LRMDA: variants seen among roughly 807,000 people sequenced by gnomAD.
The protein encoded by LRMDA is leucine rich melanocyte differentiation associated.
Under a neutral mutation model 29.8 loss-of-function variants are expected in LRMDA, and 18 were observed. That is an observed-to-expected ratio of 0.60 (90% CI 0.42 to 0.90). LRMDA has a LOEUF of 0.90. LRMDA is among the 40% of genes least tolerant of loss of function. The pLI, the probability that LRMDA is intolerant of heterozygous loss-of-function variation, is 0.00. For missense variants in LRMDA, 273 were observed against 273.9 expected, an observed-to-expected ratio of 1.00 and a Z score of 0.02; for synonymous variants, 125 against 109.4, an observed-to-expected ratio of 1.14 and a Z score of -0.89.
At chr10:75,783,474 C>A (rs997279104) in intron 2 of LRMDA, among the ~76,000 whole-genome samples, 3 of 141,130 alleles carry the variant, frequency 2.1e-5, no homozygotes, top group Non-Finnish European at 4.5e-5. Flanking sequence ...TAAAGACTTA[C>A]TGCTCAGAGG....
At chr10:76,081,962 A>ATT (rs1849056538) in intron 5 of LRMDA, among the ~76,000 whole-genome samples, 1 of 152,192 alleles carries the variant, frequency 6.6e-6, no homozygotes, top group Non-Finnish European at 1.5e-5. Flanking sequence ...GGTGCCATAG[A>ATT]ACCAAGTAGC....
chr10:75,941,697 G>A (rs1384888250), intron 2 of LRMDA, among the ~76,000 whole-genome samples: 2 of 152,132 alleles, frequency 1.3e-5, no homozygotes, highest in African/African-American at 4.8e-5. Context: ...TGATCTGGTA[G>A]CTTCAGGAAG....
chr10:76,219,451 G>A (rs1851789019), intron 5 of LRMDA, among the ~76,000 whole-genome samples: 1 of 152,090 alleles, frequency 6.6e-6, no homozygotes, highest in Admixed American at 6.5e-5. Context: ...CAAAAAAAAG[G>A]CAGGGGTTGC....
chr10:76,346,940 T>C (rs938397651), intron 6 of LRMDA, among the ~76,000 whole-genome samples: 3 of 152,188 alleles, frequency 2.0e-5, no homozygotes, highest in African/African-American at 7.2e-5. Context: ...TCTTGATGAT[T>C]AGGAGAGCAC....
rs574123493 is a variant in LRMDA at position 75,446,382 on chromosome 10, A to G, written c.131+7888A>G. 2.0e-5 allele frequency among the ~76,000 whole-genome samples: 3 copies of G among 152,364 alleles called. 1 individual carries two copies. In the East Asian group the frequency reaches 5.8e-4, roughly 29 times the overall value. ...CTTAGAAGATGGTGCTAGTGAGGCTAAGAGCCTGGGCTTGACCCTCCATGA... is the reference window on the plus strand; with the variant it reads ...CTTAGAAGATGGTGCTAGTGAGGCTGAGAGCCTGGGCTTGACCCTCCATGA... On this transcript the variant is annotated intron_variant, in intron 2 of 6. Coordinates refer to ENST00000611255, the MANE Select transcript of LRMDA (RefSeq NM_001305581.2).
intron 5 of LRMDA, among the ~76,000 whole-genome samples, chr10:76,167,885 A>G (rs879493725): frequency 2.6e-5 from 4 of 152,112 alleles, no homozygotes; most frequent in Admixed American, 6.5e-5. Flanking sequence ...CCCATCCATG[A>G]GCATGGAATG....
At chr10:76,505,479 A>AT (rs1467907078) in intron 6 of LRMDA, among the ~76,000 whole-genome samples, 5 of 152,026 alleles carry the variant, frequency 3.3e-5, no homozygotes, top group African/African-American at 1.2e-4. Flanking sequence ...TTTTTAAAAA[A>AT]TTTTTATCTG....
At chr10:75,613,178 CT>C (rs1417455823) in intron 2 of LRMDA, among the ~76,000 whole-genome samples, 3 of 151,770 alleles carry the variant, frequency 2.0e-5, no homozygotes, top group Non-Finnish European at 4.4e-5. Context: ...CACTATCTGG[CT>C]TTCTTCCTCT....
Position 75,672,163 on chromosome 10 carries a change from A to G in LRMDA, c.131+233669A>G, listed in dbSNP as rs538763509. On this transcript the variant is annotated intron_variant, in intron 2 of 6. Coordinates refer to ENST00000611255, the MANE Select transcript of LRMDA (RefSeq NM_001305581.2). ...AATAAATTCCAAATGAGTGGGTTCT[A>G]ACTTTGTTAGTGTAATCTTATAATA... Among the ~76,000 whole-genome samples the G allele has an allele frequency of 3.3e-5, 5 of 152,252 alleles. No homozygotes were observed. In the South Asian group the frequency reaches 6.2e-4, roughly 19 times the overall value.
chr10:76,442,521 C>A (rs1043422786), intron 6 of LRMDA, among the ~76,000 whole-genome samples: 3 of 152,128 alleles, frequency 2.0e-5, no homozygotes, highest in Non-Finnish European at 2.9e-5. Flanking sequence ...GAGACCCTGT[C>A]TCTACAAATA....
rs191143641 is a variant in LRMDA, at chr10:75,698,275, T to G, written c.131+259781T>G. 2.0e-3 allele frequency among the ~76,000 whole-genome samples: 297 copies of G among 152,212 alleles called. 2 individuals carry two copies. The highest frequency in any genetic ancestry group is 3.2e-3 in the Admixed American group (49 of 15,294). On this transcript the variant is annotated intron_variant, in intron 2 of 6. Transcript: ENST00000611255. ...CCAACCCCAGCTCCGACCCCTACTC[T>G]CTGTGCTACTTTAGGCAACTCCCTT...
chr10:75,543,065 T>A (rs546603264), intron 2 of LRMDA, among the ~76,000 whole-genome samples: 1 of 152,232 alleles, frequency 6.6e-6, no homozygotes, highest in East Asian at 1.9e-4. Flanking sequence ...GAGGCCAGGG[T>A]AGTAATTGAT....
chr10:75,655,128 G>A (rs561561213), intron 2 of LRMDA, among the ~76,000 whole-genome samples: 58 of 152,304 alleles, frequency 3.8e-4, no homozygotes, highest in African/African-American at 1.2e-3. Context: ...TGAGAACCTC[G>A]ACATTTTAAC....
intron 5 of LRMDA, among the ~76,000 whole-genome samples, chr10:76,192,150 T>G (rs1407050787): frequency 6.6e-6 from 1 of 152,288 alleles, no homozygotes; most frequent in South Asian, 2.1e-4. Context: ...TAAACAGCAG[T>G]CACTTGCTTC....
At chr10:75,568,158 TC>T (rs1202833841) in intron 2 of LRMDA, among the ~76,000 whole-genome samples, 1 of 152,174 alleles carries the variant, frequency 6.6e-6, no homozygotes, top group African/African-American at 2.4e-5. Flanking sequence ...GCTTTTGAGG[TC>T]CTTTTCAACC....
chr10:76,233,624 C>A (rs988214211), intron 5 of LRMDA, among the ~76,000 whole-genome samples: 4 of 152,186 alleles, frequency 2.6e-5, no homozygotes, highest in African/African-American at 9.7e-5. Context: ...GCTTTATCAT[C>A]TAAGTTTAGT....
intron 2 of LRMDA, among the ~76,000 whole-genome samples, chr10:75,840,032 C>T (rs1844511552): frequency 6.6e-6 from 1 of 152,168 alleles, no homozygotes. Flanking sequence ...TAATGACATG[C>T]TACAACTTGT....
chr10:75,898,982 C>A (rs1219119068), intron 2 of LRMDA, among the ~76,000 whole-genome samples: 1 of 152,190 alleles, frequency 6.6e-6, no homozygotes, highest in South Asian at 2.1e-4. Context: ...ATGTGTGTAT[C>A]TTTCCACACA....
At chr10:76,445,313 A>G (rs17465955) in intron 6 of LRMDA, among the ~76,000 whole-genome samples, 41,202 of 152,062 alleles carry the variant, frequency 0.27, 6,230 homozygotes, top group Non-Finnish European at 0.35. Flanking sequence ...CTGCTTTTAG[A>G]AAAGGTCTCT....
Sources: allele counts gnomAD v4.1 joint callset (sites outside exome capture counted in the v4.1 genomes callset), GRCh38; gene constraint gnomAD v4.1.1; transcripts MANE v1.5; gene names NCBI Gene and HGNC (gene_info 2026-07-23, HGNC 2026-07-21).